The following ZNF486 variants were observed in gnomAD, a reference collection of about 807,000 sequenced individuals.
ZNF486 encodes the protein zinc finger protein 486.
In ZNF486, 12 loss-of-function variants were observed where a neutral mutation model predicts 12.8. The ratio of observed to expected loss-of-function variants is 0.94; its 90% confidence interval spans 0.60 to 1.52. ZNF486 has a LOEUF of 1.52. ZNF486 is among the 40% of genes most tolerant of loss of function. The probability of loss-of-function intolerance (pLI) is 0.00; values close to 1 mark genes in which losing one functional copy is unlikely to be tolerated. For missense variants in ZNF486, 738 were observed against 545.0 expected (o/e 1.35, Z -3.53); for synonymous variants, 231 against 184.9 (o/e 1.25, Z -2.02).
Position 20,196,985 on chromosome 19 carries a change from A to G in ZNF486, c.275A>G (p.Gln92Arg), listed in dbSNP as rs376639403. 4.3e-5 allele frequency: 67 copies of G among 1,560,004 alleles called. No individual in the cohort carries two copies. The highest frequency in any genetic ancestry group is 5.3e-5 in the Non-Finnish European group (62 of 1,159,462). Reference protein sequence around the residue: ...KPPVVCSHFAQDLWPEQSIKD... With the variant: ...KPPVVCSHFARDLWPEQSIKD... Reference sequence around the variant, plus strand: ...TCAGTTGTGTGTTCTCATTTTGCCCAAGACCTTTGGCCAGAGCAGAGCATA... The same window carrying G: ...TCAGTTGTGTGTTCTCATTTTGCCCGAGACCTTTGGCCAGAGCAGAGCATA... The change falls in exon 4 of 4, where the codon CAA becomes CGA. Residue 92 changes from glutamine (Q) to arginine (R), a missense_variant. Physicochemically the swap from Gln to Arg is conservative, Grantham distance 43. Transcript: ENST00000335117.
rs1568329114 is a variant in ZNF486 at position 20,198,017 on chromosome 19, G to A, written c.1307G>A (p.Cys436Tyr). Residue 436 changes from cysteine (C) to tyrosine (Y), a missense_variant, in exon 4 of 4, where the codon TGT becomes TAT. By Grantham distance (194) the Cys-to-Tyr change is radical (BLOSUM62 -2). Transcript: ENST00000335117. The stretch of plus-strand genomic sequence containing the variant: ...CATACTGGAGAGAAACCTTACAAAT[G>A]TAAAGAATGTGGCAAAGCTTTTAAC... ...TTHTGEKPYKCKECGKAFNWS... is the reference protein window; with the variant it reads ...TTHTGEKPYKYKECGKAFNWS... 6.2e-7 allele frequency: 1 copy of A among 1,613,226 alleles called. No homozygotes were observed. Among genetic ancestry groups the A allele is most frequent in the Non-Finnish European group, 8.5e-7 (1 of 1,179,512 alleles).
chr19:20,190,774 CTGGAGAG>C, intron 3 of ZNF486, among the ~76,000 whole-genome samples: 1 of 152,188 alleles, frequency 6.6e-6, no homozygotes, highest in Non-Finnish European at 1.5e-5. Context: ...TTGGTTTTGA[CTGGAGAG>C]TTTTGCTTGT....
At position 20,197,052 on chromosome 19, in the gene ZNF486, A is replaced by C. The variant is rs1555718101; in HGVS notation, c.342A>C (p.Lys114Asn). 6.2e-7 allele frequency: 1 copy of C among 1,611,812 alleles called. No individual in the cohort carries two copies. The highest frequency in any genetic ancestry group is 1.3e-5 in the African/African-American group (1 of 74,902). ...YQKVILRKFE[K>N]CGHGNLHFKK... ...AAGTGATACTGAGAAAATTTGAAAA[A>C]TGTGGACATGGCAATTTACACTTTA... The change falls in exon 4 of 4, where the codon AAA becomes AAC. Residue 114 changes from lysine to asparagine, a missense_variant. Transcript: ENST00000335117.
intron 1 of ZNF486, among the ~76,000 whole-genome samples, chr19:20,169,228 C>T (rs1436176613): frequency 6.6e-6 from 1 of 152,172 alleles, no homozygotes; most frequent in Non-Finnish European, 1.5e-5. Flanking sequence ...GATTTTCCTA[C>T]CTCAGCCTCT....
Position 20,167,258 on chromosome 19 carries a change from T to C in ZNF486, c.-73T>C. ...GCTCTAGGTCGCCTCTTCGCTACTC[T>C]GTGTCCTCTGCTCCTAGAGGCCCAC... On this transcript the variant is annotated 5_prime_UTR_variant, in exon 1 of 4. Coordinates refer to ENST00000335117, the MANE Select transcript of ZNF486 (RefSeq NM_052852.4). 3.1e-6 allele frequency: 5 copies of C among 1,594,120 alleles called. No homozygotes were observed. Among genetic ancestry groups the C allele is most frequent in the Non-Finnish European group, 4.3e-6 (5 of 1,161,906 alleles).
rs183262741 is a variant in ZNF486, at chr19:20,173,085, A to G, written c.30+5725A>G. ...AAGTTCAAATAGGTCTCATTTGTCA[A>G]TTTTTGCTTTTGTTGCAGTTGCTTT... On this transcript the variant is annotated intron_variant, in intron 1 of 3. Coordinates refer to ENST00000335117, the MANE Select transcript of ZNF486 (RefSeq NM_052852.4). Among the ~76,000 whole-genome samples, 395 of 152,212 alleles carry G rather than the reference A, an allele frequency of 2.6e-3. 2 individuals are homozygous for G. Among genetic ancestry groups the G allele is most frequent in the African/African-American group, 9.1e-3 (378 of 41,532 alleles).
chr19:20,195,931 G>A (rs1555717861), intron 3 of ZNF486, among the ~76,000 whole-genome samples: 1 of 152,058 alleles, frequency 6.6e-6, no homozygotes, highest in African/African-American at 2.4e-5. Flanking sequence ...ATTATCTGGT[G>A]TCTAAAAAAG....
chr19:20,192,090 C>T (rs1166475077), intron 3 of ZNF486, among the ~76,000 whole-genome samples: 1 of 152,092 alleles, frequency 6.6e-6, no homozygotes, highest in African/African-American at 2.4e-5. Flanking sequence ...CATTCTTTGT[C>T]TAATGGTAGT....
At chr19:20,180,937 A>G (rs1341930998) in intron 1 of ZNF486, among the ~76,000 whole-genome samples, 3 of 152,210 alleles carry the variant, frequency 2.0e-5, no homozygotes, top group Non-Finnish European at 4.4e-5. Context: ...TATAGTATAA[A>G]GTTGACAGGG....
At chr19:20,182,542 T>A (rs1171705651) in intron 1 of ZNF486, among the ~76,000 whole-genome samples, 1 of 152,298 alleles carries the variant, frequency 6.6e-6, no homozygotes, top group Admixed American at 6.5e-5. Context: ...ACAAAGGAGT[T>A]AAGTTCCACC....
intron 1 of ZNF486, among the ~76,000 whole-genome samples, chr19:20,180,801 G>C (rs187373874): frequency 6.6e-6 from 1 of 152,288 alleles, no homozygotes; most frequent in Non-Finnish European, 1.5e-5. Context: ...TGGGATTACA[G>C]GTGTAAGGCA....
At chr19:20,175,856 C>A (rs1374194050) in intron 1 of ZNF486, among the ~76,000 whole-genome samples, 5 of 152,228 alleles carry the variant, frequency 3.3e-5, no homozygotes, top group Admixed American at 2.6e-4. Flanking sequence ...GTACACCTCC[C>A]AGATGGGGTG....
intron 3 of ZNF486, among the ~76,000 whole-genome samples, chr19:20,192,791 A>G (rs2089915165): frequency 6.6e-6 from 1 of 152,164 alleles, no homozygotes; most frequent in South Asian, 2.1e-4. Context: ...GAGTTTTGCC[A>G]TGTTGCCCAG....
chr19:20,198,542 G>T lies in ZNF486; in HGVS notation c.*440G>T. The T allele has an allele frequency of 5.6e-6, 1 of 177,176 alleles. No individual in the cohort carries two copies. Among genetic ancestry groups the T allele is most frequent in the South Asian group, 1.2e-4 (1 of 8,372 alleles). 11.0% of individuals were successfully genotyped at this position (177,176 alleles called of 1,614,324 possible). A position where few individuals can be genotyped will look rare whatever the true frequency, so the allele number is the denominator to read the frequency against. On this transcript the variant is annotated 3_prime_UTR_variant, in exon 4 of 4. Coordinates refer to ENST00000335117, the MANE Select transcript of ZNF486 (RefSeq NM_052852.4). ...TTTTATTTGTTTATTTATTTTTTGA[G>T]ATGCAGTTTCACTCTTGTGACCCGG...
chr19:20,169,927 G>C (rs1261203253), intron 1 of ZNF486, among the ~76,000 whole-genome samples: 3 of 130,870 alleles, frequency 2.3e-5, no homozygotes, highest in Non-Finnish European at 4.6e-5. Context: ...GTCTCACTCC[G>C]TCGCCCAGGC....
intron 1 of ZNF486, among the ~76,000 whole-genome samples, chr19:20,168,056 C>T (rs1555713274): frequency 1.3e-5 from 2 of 151,522 alleles, no homozygotes; most frequent in African/African-American, 4.9e-5. Context: ...ACAAAAACTA[C>T]GTTGGGGTTA....
In ZNF486 at chr19:20,197,977, G is replaced by C. The variant is rs1555718386; in HGVS notation, c.1267G>C (p.Glu423Gln). The change falls in exon 4 of 4, where the codon GAA becomes CAA. Residue 423 changes from glutamate (E) to glutamine (Q), a missense_variant. Transcript: ENST00000335117. ...GTATACTACATCCTCAAATCTAACT[G>C]AACATAAGACAACTCATACTGGAGA... Reference protein sequence around the residue: ...KAYTTSSNLTEHKTTHTGEKP... With the variant: ...KAYTTSSNLTQHKTTHTGEKP... The C allele has an allele frequency of 6.2e-7, 1 of 1,612,260 alleles. No individual in the cohort carries two copies. The highest frequency in any genetic ancestry group is 8.5e-7 in the Non-Finnish European group (1 of 1,179,352).
chr19:20,182,787 A>G (rs2122653092), intron 1 of ZNF486, among the ~76,000 whole-genome samples: 1 of 152,282 alleles, frequency 6.6e-6, no homozygotes, highest in Admixed American at 6.5e-5. Context: ...TTGCCAGTTG[A>G]TGTCATGCCA....
At chr19:20,173,312 AAG>A (rs1366848616) in intron 1 of ZNF486, among the ~76,000 whole-genome samples, 6 of 152,302 alleles carry the variant, frequency 3.9e-5, no homozygotes, top group African/African-American at 1.4e-4. Context: ...CCATTTATTA[AAG>A]AGAGAATCCT....
Sources: gnomAD v4.1 joint callset for allele counts (sites outside exome capture counted in the v4.1 genomes callset) on GRCh38, gnomAD v4.1.1 for gene constraint, MANE v1.5 for transcripts, NCBI Gene and HGNC (gene_info 2026-07-23, HGNC 2026-07-21) for gene names.